Variants in NKAIN3 observed in about 807,000 individuals in gnomAD.
NKAIN3 encodes the protein sodium/potassium transporting ATPase interacting 3.
A neutral mutation model predicts 30.2 loss-of-function variants in NKAIN3; 25 were observed. That is an observed-to-expected ratio of 0.83 (90% CI 0.60 to 1.16). The LOEUF (loss-of-function observed/expected upper bound fraction) is 1.16, where lower values mean the gene tolerates loss of function less well. Among genes scored for constraint, NKAIN3 ranks in the 50% most tolerant of loss-of-function variants. The pLI is 0.00. For missense variants in NKAIN3, 225 were observed against 254.1 expected (o/e 0.89, Z 0.78); for synonymous variants, 91 against 89.6 (o/e 1.02, Z -0.09).
intron 3 of NKAIN3, among the ~76,000 whole-genome samples, chr8:62,733,923 A>G (rs1254139870): frequency 6.6e-6 from 1 of 152,190 alleles, no homozygotes; most frequent in Non-Finnish European, 1.5e-5. Flanking sequence ...TAGAAGTTAA[A>G]CATACCTGTT....
At chr8:62,358,137 C>T (rs973332585) in intron 1 of NKAIN3, among the ~76,000 whole-genome samples, 5 of 151,678 alleles carry the variant, frequency 3.3e-5, no homozygotes, top group African/African-American at 9.7e-5. Flanking sequence ...ATATCTCAGG[C>T]ATGCATATGG....
intron 1 of NKAIN3, among the ~76,000 whole-genome samples, chr8:62,457,081 T>C (rs894672824): frequency 1.3e-5 from 2 of 152,226 alleles, no homozygotes; most frequent in African/African-American, 4.8e-5. Context: ...GCTTAAGTAA[T>C]ATTTATTGAA....
intron 3 of NKAIN3, among the ~76,000 whole-genome samples, chr8:62,625,725 G>GGTGGC (rs367552798): frequency 6.6e-5 from 10 of 152,224 alleles, no homozygotes; most frequent in African/African-American, 2.4e-4. Context: ...GAAGGAGACA[G>GGTGGC]GTGGCAAAGG....
chr8:62,424,098 A>G (rs1804727317), intron 1 of NKAIN3, among the ~76,000 whole-genome samples: 1 of 152,040 alleles, frequency 6.6e-6, no homozygotes, highest in Admixed American at 6.6e-5. Flanking sequence ...ATGCTGGAAT[A>G]ACTGGATATC....
At chr8:62,604,507 T>C (rs1323242016) in intron 3 of NKAIN3, among the ~76,000 whole-genome samples, 1 of 152,128 alleles carries the variant, frequency 6.6e-6, no homozygotes, top group Non-Finnish European at 1.5e-5. Context: ...AGAAACCAGA[T>C]GGAATATCTC....
At position 62,965,336 on chromosome 8, in the gene NKAIN3, T is replaced by C. The variant is rs765310746; in HGVS notation, c.604-18T>C. ...CAGCTTTGAAGTTCTTGAAAGCAATTCGTATTTTCTGTTTTAGGTCGAAAT... is the reference window on the plus strand; with the variant it reads ...CAGCTTTGAAGTTCTTGAAAGCAATCCGTATTTTCTGTTTTAGGTCGAAAT... On this transcript the variant is annotated intron_variant, in intron 6 of 6. Coordinates refer to ENST00000623646, the MANE Select transcript of NKAIN3 (RefSeq NM_001304533.3). 1,548 of 985,668 alleles carry C rather than the reference T, an allele frequency of 1.6e-3. 2 individuals carry two copies. Among genetic ancestry groups the C allele is most frequent in the Non-Finnish European group, 1.8e-3 (1,468 of 829,904 alleles). 61.1% of individuals were successfully genotyped at this position (985,668 alleles called of 1,614,324 possible). A position where few individuals can be genotyped will look rare whatever the true frequency, so the allele number is the denominator to read the frequency against.
At chr8:62,498,472 G>C (rs1005241833) in intron 1 of NKAIN3, among the ~76,000 whole-genome samples, 4 of 151,756 alleles carry the variant, frequency 2.6e-5, no homozygotes, top group African/African-American at 7.3e-5. Flanking sequence ...CTGTATAACT[G>C]CCTCCTCAGT....
At chr8:62,869,894 G>GA (rs1264030649) in intron 4 of NKAIN3, among the ~76,000 whole-genome samples, 4 of 151,840 alleles carry the variant, frequency 2.6e-5, no homozygotes, top group Non-Finnish European at 5.9e-5. Context: ...CAGCCCCCCC[G>GA]AAGTGGCTGG....
intron 1 of NKAIN3, among the ~76,000 whole-genome samples, chr8:62,437,227 AG>A (rs1402712023): frequency 2.6e-5 from 4 of 152,214 alleles, no homozygotes; most frequent in Non-Finnish European, 5.9e-5. Context: ...AATATCTCAA[AG>A]AATAACCACT....
chr8:62,638,499 T>C (rs756081699), intron 3 of NKAIN3, among the ~76,000 whole-genome samples: 1 of 152,140 alleles, frequency 6.6e-6, no homozygotes, highest in African/African-American at 2.4e-5. Context: ...ATCTTCTGTA[T>C]TATCTTGGCA....
chr8:62,861,682 T>C (rs544122748), intron 4 of NKAIN3, among the ~76,000 whole-genome samples: 7 of 152,352 alleles, frequency 4.6e-5, no homozygotes, highest in East Asian at 1.9e-4. Flanking sequence ...GCCAGGTACA[T>C]GTATTCATGA....
intron 4 of NKAIN3, among the ~76,000 whole-genome samples, chr8:62,804,366 A>T (rs1455487396): frequency 1.3e-5 from 2 of 152,184 alleles, no homozygotes; most frequent in Non-Finnish European, 2.9e-5. Flanking sequence ...ATTTTAGACC[A>T]ATATCCTTGA....
chr8:62,633,416 A>C (rs1463824666), intron 3 of NKAIN3, among the ~76,000 whole-genome samples: 1 of 152,056 alleles, frequency 6.6e-6, no homozygotes, highest in Non-Finnish European at 1.5e-5. Context: ...TATGGTTCTG[A>C]CTTACTTGTC....
At chr8:62,806,001 C>G (rs1317608137) in intron 4 of NKAIN3, among the ~76,000 whole-genome samples, 1 of 152,168 alleles carries the variant, frequency 6.6e-6, no homozygotes, top group Non-Finnish European at 1.5e-5. Context: ...AGGACATGAA[C>G]AGACACTTCT....
intron 1 of NKAIN3, among the ~76,000 whole-genome samples, chr8:62,251,241 A>G (rs554165399): frequency 6.6e-6 from 1 of 152,254 alleles, no homozygotes; most frequent in Admixed American, 6.5e-5. Flanking sequence ...TGGTAGAAAT[A>G]TTGGGGTGAT....
chr8:62,556,333 A>G (rs1809384821), intron 1 of NKAIN3, among the ~76,000 whole-genome samples: 1 of 151,794 alleles, frequency 6.6e-6, no homozygotes, highest in African/African-American at 2.4e-5. Flanking sequence ...AAAAACAGTA[A>G]ATAACTCATA....
rs1421946046 is a variant in NKAIN3, at chr8:62,311,874, G to T, written c.54+62747G>T. Among the ~76,000 whole-genome samples, 8 of 150,448 alleles carry T rather than the reference G, an allele frequency of 5.3e-5. No homozygotes were observed. In the East Asian group the frequency reaches 9.7e-4, roughly 18 times the overall value. Reference sequence around the variant, plus strand: ...CATTCTCCCACTCTGCAAAGTAAAAGGCTAACTCTCACCCACCCCTCATTT... The same window carrying T: ...CATTCTCCCACTCTGCAAAGTAAAATGCTAACTCTCACCCACCCCTCATTT... On this transcript the variant is annotated intron_variant, in intron 1 of 6. Transcript: ENST00000623646.
At chr8:62,936,269 A>G (rs1246349115) in intron 5 of NKAIN3, among the ~76,000 whole-genome samples, 3 of 152,218 alleles carry the variant, frequency 2.0e-5, no homozygotes, top group Non-Finnish European at 4.4e-5. Flanking sequence ...GTGGGAGTAG[A>G]CATCCGCTTC....
intron 1 of NKAIN3, among the ~76,000 whole-genome samples, chr8:62,348,099 C>A (rs1416049098): frequency 2.6e-5 from 4 of 151,978 alleles, no homozygotes; most frequent in Non-Finnish European, 5.9e-5. Context: ...CATCTGCAGC[C>A]TTGATCCTAA....
Sources: allele counts gnomAD v4.1 joint callset (sites outside exome capture counted in the v4.1 genomes callset), GRCh38; gene constraint gnomAD v4.1.1; transcripts MANE v1.5; gene names NCBI Gene and HGNC (gene_info 2026-07-23, HGNC 2026-07-21).